The following PCDH15 variants were observed in gnomAD, a reference collection of about 807,000 sequenced individuals.
PCDH15 encodes protocadherin-15.
In PCDH15, 129 loss-of-function variants were observed where a neutral mutation model predicts 178.5. The observed-to-expected ratio is 0.72, with a 90% CI of 0.63 to 0.84. The LOEUF (loss-of-function observed/expected upper bound fraction) is 0.84. Ranked by LOEUF, PCDH15 falls within the 40% of genes least tolerant of loss-of-function variation. The pLI, the probability that PCDH15 is intolerant of heterozygous loss-of-function variation, is 0.00. For synonymous variants in PCDH15, 800 were observed against 732.0 expected (o/e 1.09, Z -1.50); for missense variants, 2,230 against 2,099.9 (o/e 1.06, Z -1.21).
chr10:55,344,474 C>T (rs913163787), intron 2 of PCDH15, among the ~76,000 whole-genome samples: 1 of 151,968 alleles, frequency 6.6e-6, no homozygotes, highest in Non-Finnish European at 1.5e-5. Context: ...GAGAAGGGGT[C>T]AAACACACTT....
chr10:54,796,282 G>GTATGTATC, intron 1 of PCDH15, among the ~76,000 whole-genome samples: 1 of 126,434 alleles, frequency 7.9e-6, no homozygotes, highest in South Asian at 2.6e-4. Flanking sequence ...ATGTATCTAT[G>GTATGTATC]TATCTATCTA....
chr10:54,062,081 T>A (rs2094027761), intron 18 of PCDH15, among the ~76,000 whole-genome samples: 1 of 151,554 alleles, frequency 6.6e-6, no homozygotes, highest in Non-Finnish European at 1.5e-5. Flanking sequence ...AAAAATTTGC[T>A]GGGCATGGTG....
intron 2 of PCDH15, among the ~76,000 whole-genome samples, chr10:55,545,265 C>G (rs76753251): frequency 0.01 from 1,491 of 144,578 alleles, 31 homozygotes; most frequent in African/African-American, 0.035. Context: ...TGAAGATGCT[C>G]AGTTCCTTTT....
intron 15 of PCDH15, among the ~76,000 whole-genome samples, chr10:54,131,645 A>G (rs188155579): frequency 4.3e-4 from 66 of 152,322 alleles, no homozygotes; most frequent in African/African-American, 1.3e-3. Flanking sequence ...GAGAAAAGCA[A>G]CAGAATAAAT....
intron 2 of PCDH15, among the ~76,000 whole-genome samples, chr10:54,958,981 A>C (rs375369819): frequency 6.6e-6 from 1 of 151,926 alleles, no homozygotes. Flanking sequence ...CTATACAAAT[A>C]CAACCTTTTA....
At chr10:54,316,730 A>T (rs564458369) in intron 8 of PCDH15, among the ~76,000 whole-genome samples, 88 of 152,310 alleles carry the variant, frequency 5.8e-4, no homozygotes, top group African/African-American at 2.1e-3. Context: ...ATTAGCATTT[A>T]TCAAAAATAC....
intron 1 of PCDH15, among the ~76,000 whole-genome samples, chr10:54,695,762 C>T (rs2095213485): frequency 6.6e-6 from 1 of 151,808 alleles, no homozygotes; most frequent in Non-Finnish European, 1.5e-5. Flanking sequence ...TATAACTGTG[C>T]TCTATGAATG....
chr10:54,845,500 T>G (rs1372877178), intron 3 of PCDH15, among the ~76,000 whole-genome samples: 1 of 152,150 alleles, frequency 6.6e-6, no homozygotes, highest in Non-Finnish European at 1.5e-5. Flanking sequence ...ATGCCAGTGA[T>G]ACTAGTTAAT....
chr10:53,979,623 T>C (rs2090461098), intron 21 of PCDH15, among the ~76,000 whole-genome samples: 1 of 152,164 alleles, frequency 6.6e-6, no homozygotes, highest in African/African-American at 2.4e-5. Context: ...ATGAGAAACA[T>C]AGGTATGCTT....
intron 1 of PCDH15, among the ~76,000 whole-genome samples, chr10:54,687,904 G>GT (rs1176100966): frequency 1.3e-5 from 2 of 151,834 alleles, no homozygotes; most frequent in Admixed American, 1.3e-4. Context: ...ATAATACAAT[G>GT]TTGTATGGCA....
chr10:53,827,671 C>A lies in PCDH15; in HGVS notation c.4212-123G>T. On this transcript the variant is annotated intron_variant, in intron 31 of 37. Coordinates refer to ENST00000644397, the MANE Select transcript of PCDH15 (RefSeq NM_001384140.1). The stretch of plus-strand genomic sequence containing the variant: ...ACCCACTAAAATTATTTTACACAAA[C>A]ATCAATTTATAAACAGATGTAATTA... 10 of 1,128,590 alleles carry A rather than the reference C, an allele frequency of 8.9e-6. No homozygotes were observed. The South Asian group carries it at 1.3e-4, about 15-fold the overall frequency. The allele number at this position is 1,128,590 out of a possible 1,614,324, so 69.9% of individuals were successfully genotyped here. A position where few individuals can be genotyped will look rare whatever the true frequency, so the allele number is the denominator to read the frequency against.
At chr10:54,304,641 G>GA (rs376105146) in intron 8 of PCDH15, among the ~76,000 whole-genome samples, 45 of 152,006 alleles carry the variant, frequency 3.0e-4, no homozygotes, top group African/African-American at 1.0e-3. Context: ...GAAGTCACTG[G>GA]AATATTTTAA....
At chr10:53,938,044 A>G (rs1171793257) in intron 25 of PCDH15, among the ~76,000 whole-genome samples, 5 of 152,270 alleles carry the variant, frequency 3.3e-5, no homozygotes, top group Non-Finnish European at 7.4e-5. Flanking sequence ...GATTGCTTAA[A>G]TGCAAAAGAG....
intron 26 of PCDH15, among the ~76,000 whole-genome samples, chr10:53,883,653 C>T (rs77442743): frequency 0.088 from 13,387 of 152,084 alleles, 1,690 homozygotes; most frequent in African/African-American, 0.28. Flanking sequence ...GTAAAATAAC[C>T]CCCAGAGAAC....
In PCDH15 at chr10:53,935,511, C is replaced by T. The variant is rs1589505966; in HGVS notation, c.3373+3304G>A. ...GAACAAATGTGGGCAAACTACAGCC[C>T]TTTGGTCAAATCCAGCCCACAGACA... On this transcript the variant is annotated intron_variant, in intron 25 of 37. Coordinates refer to ENST00000644397, the MANE Select transcript of PCDH15 (RefSeq NM_001384140.1). Among the ~76,000 whole-genome samples the T allele has an allele frequency of 2.0e-5, 3 of 152,192 alleles. No individual in the cohort carries two copies. In the East Asian group the frequency reaches 5.8e-4, roughly 29 times the overall value.
Position 54,666,227 on chromosome 10 carries a change from C to A in PCDH15, c.-28-1937G>T, listed in dbSNP as rs184852192. Among the ~76,000 whole-genome samples the A allele has an allele frequency of 3.4e-4, 52 of 152,112 alleles. 1 individual carries two copies. The East Asian group carries it at 9.9e-3, about 29-fold the overall frequency. On this transcript the variant is annotated intron_variant, in intron 1 of 37. Transcript: ENST00000644397. ...TATGGAACCTCCAAAGTCTTAAATA[C>A]AGATTTACTCAATCTATCTTTAGCA...
chr10:53,903,449 C>A, intron 25 of PCDH15, 79 bp from the exon 26 acceptor site: 1 of 1,535,240 alleles, frequency 6.5e-7, no homozygotes. Flanking sequence ...ATATTTGCTG[C>A]ACTTTTTTTT....
intron 3 of PCDH15, among the ~76,000 whole-genome samples, chr10:54,398,851 A>T (rs1951574880): frequency 6.6e-6 from 1 of 152,120 alleles, no homozygotes; most frequent in East Asian, 1.9e-4. Flanking sequence ...ATTAAACTAG[A>T]CACTGCTAAA....
chr10:55,248,235 A>C (rs561974581), intron 1 of PCDH15, among the ~76,000 whole-genome samples: 4 of 151,974 alleles, frequency 2.6e-5, no homozygotes, highest in Non-Finnish European at 5.9e-5. Context: ...TACATGTATA[A>C]TACTATATAT....
Sources: gnomAD v4.1 joint callset for allele counts (sites outside exome capture counted in the v4.1 genomes callset) on GRCh38, gnomAD v4.1.1 for gene constraint, MANE v1.5 for transcripts, NCBI Gene and HGNC (gene_info 2026-07-23, HGNC 2026-07-21) for gene names.